Variants in GALNT13 observed in about 807,000 individuals in gnomAD.
GALNT13 encodes UDP-GalNAc:polypeptide N-acetylgalactosaminyltransferase 13.
GALNT13 carries 28 observed loss-of-function variants against 64.2 expected under a neutral mutation model. The ratio of observed to expected loss-of-function variants is 0.44; its 90% CI spans 0.32 to 0.60. The LOEUF (loss-of-function observed/expected upper bound fraction) is 0.60. Among genes scored for constraint, GALNT13 ranks in the 20% least tolerant of loss-of-function variants. The probability of loss-of-function intolerance (pLI) is 0.05; values close to 1 mark genes in which losing one functional copy is unlikely to be tolerated. For missense variants in GALNT13, 577 were observed against 669.8 expected (o/e 0.86, Z 1.53); for synonymous variants, 214 against 224.6 (o/e 0.95, Z 0.42).
At chr2:153,362,553 C>CAAAAAAAAA in the GALNT13 span, among the ~76,000 whole-genome samples, 53 of 80,316 alleles carry the variant, frequency 6.6e-4, 3 homozygotes, top group African/African-American at 2.4e-3. Flanking sequence ...AAATGGAGAG[C>CAAAAAAAAA]AAAAAAAAAA....
intron 2 of GALNT13, among the ~76,000 whole-genome samples, chr2:153,906,839 T>C (rs1574086057): frequency 6.6e-6 from 1 of 152,156 alleles, no homozygotes; most frequent in East Asian, 1.9e-4. Context: ...CCACAATGGC[T>C]GAACTAGTTT....
chr2:153,451,412 A>T, the GALNT13 span, among the ~76,000 whole-genome samples: 5 of 152,194 alleles, frequency 3.3e-5, no homozygotes, highest in African/African-American at 1.2e-4. Flanking sequence ...AAACTTGGTA[A>T]GAAATTCGCA....
intron 3 of GALNT13, among the ~76,000 whole-genome samples, chr2:154,074,586 A>G (rs1700893135): frequency 1.3e-5 from 2 of 152,060 alleles, no homozygotes; most frequent in Middle Eastern, 3.4e-3. Flanking sequence ...AATTCATTCT[A>G]TGAGGCCAGC....
At chr2:153,203,874 T>TACACACAC in the GALNT13 span, among the ~76,000 whole-genome samples, 222 of 151,002 alleles carry the variant, frequency 1.5e-3, no homozygotes, top group African/African-American at 5.1e-3. Flanking sequence ...GTAGCGTGTC[T>TACACACAC]ACACACACAC....
chr2:154,032,922 C>T (rs906251996), intron 3 of GALNT13, among the ~76,000 whole-genome samples: 4 of 137,620 alleles, frequency 2.9e-5, no homozygotes, highest in African/African-American at 8.2e-5. Flanking sequence ...ACTAAAATCA[C>T]GTATTTGTTT....
At chr2:154,168,171 T>C (rs1685141085) in intron 4 of GALNT13, among the ~76,000 whole-genome samples, 1 of 152,030 alleles carries the variant, frequency 6.6e-6, no homozygotes, top group Admixed American at 6.6e-5. Flanking sequence ...GAGCAGCATG[T>C]CACAGAGAGA....
the GALNT13 span, among the ~76,000 whole-genome samples, chr2:153,669,870 C>T: frequency 3.3e-5 from 5 of 151,648 alleles, no homozygotes; most frequent in Non-Finnish European, 7.4e-5. Flanking sequence ...GAGATTCCCT[C>T]CTGTGCCTGG....
chr2:154,276,959 T>C (rs1477276005), intron 8 of GALNT13, among the ~76,000 whole-genome samples: 2 of 152,194 alleles, frequency 1.3e-5, no homozygotes, highest in Non-Finnish European at 2.9e-5. Flanking sequence ...CATGCTGAAC[T>C]GTGAGTCAAT....
chr2:153,741,209 C>A, the GALNT13 span, among the ~76,000 whole-genome samples: 1 of 151,856 alleles, frequency 6.6e-6, no homozygotes, highest in African/African-American at 2.4e-5. Flanking sequence ...TGAACTATTT[C>A]AATCTATTTA....
chr2:153,570,064 A>C, the GALNT13 span, among the ~76,000 whole-genome samples: 1 of 152,208 alleles, frequency 6.6e-6, no homozygotes, highest in South Asian at 2.1e-4. Context: ...TCTTACCAAC[A>C]GTGTGCAAGT....
the GALNT13 span, among the ~76,000 whole-genome samples, chr2:153,796,592 A>G: frequency 6.6e-6 from 1 of 152,236 alleles, no homozygotes; most frequent in Non-Finnish European, 1.5e-5. Context: ...TTGAGATTTA[A>G]AGAAAGCATT....
At chr2:153,508,826 G>C in the GALNT13 span, among the ~76,000 whole-genome samples, 1 of 152,160 alleles carries the variant, frequency 6.6e-6, no homozygotes, top group African/African-American at 2.4e-5. Flanking sequence ...TCCCAAGTGG[G>C]AGCTGCATGG....
the GALNT13 span, among the ~76,000 whole-genome samples, chr2:153,108,003 A>G: frequency 7.4e-4 from 113 of 152,238 alleles, 4 homozygotes; most frequent in African/African-American, 2.5e-3. Flanking sequence ...TCAGCCTCCC[A>G]AGTAGCTGGG....
the GALNT13 span, among the ~76,000 whole-genome samples, chr2:153,361,555 C>G: frequency 0.34 from 52,057 of 151,574 alleles, 9,364 homozygotes; most frequent in Non-Finnish European, 0.38. Flanking sequence ...AAAAACACAG[C>G]ATGAGAACCT....
At chr2:153,916,839 G>A (rs1422542470) in intron 2 of GALNT13, among the ~76,000 whole-genome samples, 2 of 152,004 alleles carry the variant, frequency 1.3e-5, no homozygotes, top group African/African-American at 2.4e-5. Context: ...CTTTTAGATG[G>A]GATTGAGTCT....
At chr2:153,321,083 T>G in the GALNT13 span, among the ~76,000 whole-genome samples, 1 of 152,194 alleles carries the variant, frequency 6.6e-6, no homozygotes, top group Admixed American at 6.5e-5. Flanking sequence ...TACATGTTCC[T>G]GGACATCAAT....
the GALNT13 span, among the ~76,000 whole-genome samples, chr2:153,232,834 C>G: frequency 6.6e-6 from 1 of 152,226 alleles, no homozygotes; most frequent in Non-Finnish European, 1.5e-5. Flanking sequence ...AGACTCTTCT[C>G]AACTCAAGTT....
At chr2:153,118,145 A>ACACACACC in the GALNT13 span, among the ~76,000 whole-genome samples, 48 of 147,466 alleles carry the variant, frequency 3.3e-4, no homozygotes, top group East Asian at 1.4e-3. Context: ...ACACACACAC[A>ACACACACC]CCCCACATAA....
chr2:153,095,021 A>G, the GALNT13 span, among the ~76,000 whole-genome samples: 7 of 152,322 alleles, frequency 4.6e-5, no homozygotes, highest in African/African-American at 1.7e-4. Flanking sequence ...TGGCAACAAA[A>G]GCCAAAATTG....
Sources: gnomAD v4.1 joint callset for allele counts (sites outside exome capture counted in the v4.1 genomes callset) on GRCh38, gnomAD v4.1.1 for gene constraint, MANE v1.5 for transcripts, NCBI Gene and HGNC (gene_info 2026-07-23, HGNC 2026-07-21) for gene names.